Variants in HKDC1 observed in about 807,000 individuals in gnomAD.
The protein encoded by HKDC1 is hexokinase domain containing 1.
In HKDC1, 66 loss-of-function variants were observed where a neutral mutation model predicts 96.6. That is an observed-to-expected ratio of 0.68 (90% confidence interval 0.56 to 0.84). The LOEUF (loss-of-function observed/expected upper bound fraction) is 0.84, where lower values mean the gene tolerates loss of function less well. Among genes scored for constraint, HKDC1 ranks in the 40% least tolerant of loss-of-function variants. HKDC1 has a pLI of 0.00. For synonymous variants in HKDC1, 466 were observed against 473.1 expected, an observed-to-expected ratio of 0.98 and a Z score of 0.20; for missense variants, 1,211 against 1,208.1, an observed-to-expected ratio of 1.00 and a Z score of -0.04.
At chr10:69,233,608 G>A (rs553997373) in intron 4 of HKDC1, among the ~76,000 whole-genome samples, 2 of 152,110 alleles carry the variant, frequency 1.3e-5, no homozygotes, top group African/African-American at 4.8e-5. Flanking sequence ...TAGAATGGGG[G>A]CACTGGAGGA....
At chr10:69,224,314 C>T (rs904815146) in intron 1 of HKDC1, among the ~76,000 whole-genome samples, 8 of 152,018 alleles carry the variant, frequency 5.3e-5, no homozygotes, top group African/African-American at 1.4e-4. Context: ...GATGGAATCT[C>T]GCTCTGTCAC....
At chr10:69,242,445 A>AAC (rs1398688309) in intron 6 of HKDC1, among the ~76,000 whole-genome samples, 5 of 151,444 alleles carry the variant, frequency 3.3e-5, no homozygotes, top group Admixed American at 2.6e-4. Context: ...AAAAAAAAAA[A>AAC]AAAAACCCGA....
chr10:69,239,101 G>C lies in HKDC1; in HGVS notation c.555G>C (p.Val185=). 11 of 1,613,936 alleles carry C rather than the reference G, an allele frequency of 6.8e-6. No homozygotes were observed. Among genetic ancestry groups the C allele is most frequent in the Non-Finnish European group, 9.3e-6 (11 of 1,179,858 alleles). The change falls in exon 5 of 18, where the codon GTG becomes GTC. Residue 185 remains valine, a synonymous_variant. Transcript: ENST00000354624. ...CACGAGGAGTTCAGGACACGGATGT[G>C]GTGAGCCGTCTGACCAAAGCCATGA... The part of the protein sequence containing the change: ...FKARGVQDTD[V]VSRLTKAMRR...
At chr10:69,237,277 T>TTG (rs71035080) in intron 4 of HKDC1, among the ~76,000 whole-genome samples, 6,750 of 145,468 alleles carry the variant, frequency 0.046, 178 homozygotes, top group East Asian at 0.063. Context: ...AGAAATTTCT[T>TTG]TGTGTGTGTG....
intron 4 of HKDC1, among the ~76,000 whole-genome samples, chr10:69,234,701 T>C (rs957494946): frequency 1.3e-5 from 2 of 152,268 alleles, no homozygotes; most frequent in African/African-American, 4.8e-5. Context: ...CTGGATTACT[T>C]GTCTCTTTGT....
At chr10:69,230,838 T>C (rs903235452) in intron 2 of HKDC1, among the ~76,000 whole-genome samples, 2 of 152,130 alleles carry the variant, frequency 1.3e-5, no homozygotes, top group African/African-American at 2.4e-5. Context: ...AGGCTGGTGT[T>C]GAACTCTTGG....
intron 4 of HKDC1, 109 bp downstream of exon 4, chr10:69,233,242 T>A: frequency 6.9e-7 from 1 of 1,442,760 alleles, no homozygotes; most frequent in Non-Finnish European, 9.3e-7. Flanking sequence ...TTCTTGTTTG[T>A]CTTTTTCTTT....
At chr10:69,261,963 T>C (rs1843816835) in intron 16 of HKDC1, 1 of 265,056 alleles carries the variant, frequency 3.8e-6, no homozygotes. Flanking sequence ...AACTCATAGT[T>C]AGACCCAGAT....
intron 6 of HKDC1, 28 bp downstream of exon 6, chr10:69,240,779 G>C (rs1564729714): frequency 6.4e-7 from 1 of 1,564,730 alleles, no homozygotes; most frequent in Non-Finnish European, 8.8e-7. Context: ...GTTTTTTGAG[G>C]GTAGGGGAGA....
chr10:69,232,522 G>A (rs1312394813), intron 2 of HKDC1: 4 of 541,548 alleles, frequency 7.4e-6, no homozygotes, highest in South Asian at 4.3e-5. Flanking sequence ...CATTCCTACA[G>A]CATGAGCCAG....
At chr10:69,247,624 A>G in intron 9 of HKDC1, 31 bp downstream of exon 9, 1 of 1,568,650 alleles carries the variant, frequency 6.4e-7, no homozygotes, top group Middle Eastern at 1.7e-4. Flanking sequence ...ACGCCCCCAC[A>G]AATGAGTCTC....
At chr10:69,233,560 G>A (rs1843308853) in intron 4 of HKDC1, among the ~76,000 whole-genome samples, 1 of 152,162 alleles carries the variant, frequency 6.6e-6, no homozygotes, top group East Asian at 1.9e-4. Flanking sequence ...GGGAAGGCTG[G>A]GGAGTCTCTC....
chr10:69,239,918 T>C (rs921428321), intron 5 of HKDC1, among the ~76,000 whole-genome samples: 1 of 152,120 alleles, frequency 6.6e-6, no homozygotes, highest in Admixed American at 6.6e-5. Flanking sequence ...CATGCCTGGC[T>C]CTCATTTTAC....
chr10:69,256,211 A>C (rs988082761), intron 12 of HKDC1, among the ~76,000 whole-genome samples: 3 of 152,186 alleles, frequency 2.0e-5, no homozygotes, highest in Non-Finnish European at 4.4e-5. Context: ...TGTGTGGAAA[A>C]CACCTTTCTC....
chr10:69,265,851 C>A, intron 17 of HKDC1, 33 bp downstream of exon 17: 2 of 1,177,332 alleles, frequency 1.7e-6, no homozygotes, highest in Admixed American at 2.0e-5. Flanking sequence ...GCGGGTGGGG[C>A]TGGGGAGGGC....
Position 69,250,672 on chromosome 10 carries a change from C to T in HKDC1, c.1836+20C>T. On this transcript the variant is annotated intron_variant, in intron 12 of 17. Coordinates refer to ENST00000354624, the MANE Select transcript of HKDC1 (RefSeq NM_025130.4). ...GACAAGGTAAGATAGCCCCACCAGG[C>T]TCACGGCCAGCCCAGTGGGCTTCCT... is the stretch of plus-strand genomic sequence containing the variant. The T allele has an allele frequency of 6.2e-7, 1 of 1,612,094 alleles. No homozygotes were observed. The highest frequency in any genetic ancestry group is 8.5e-7 in the Non-Finnish European group (1 of 1,179,886).
At chr10:69,225,508 G>A (rs916927024) in intron 1 of HKDC1, among the ~76,000 whole-genome samples, 1 of 152,074 alleles carries the variant, frequency 6.6e-6, no homozygotes, top group African/African-American at 2.4e-5. Context: ...TTTGCTAATG[G>A]CTGTCTGATG....
At chr10:69,264,818 A>C (rs1007368709) in intron 16 of HKDC1, among the ~76,000 whole-genome samples, 1 of 152,188 alleles carries the variant, frequency 6.6e-6, no homozygotes, top group Admixed American at 6.5e-5. Context: ...ACAGTCAAGG[A>C]TACAACTTCA....
intron 10 of HKDC1, chr10:69,249,013 C>A (rs575223323): frequency 3.5e-6 from 1 of 285,610 alleles, no homozygotes; most frequent in Non-Finnish European, 6.5e-6. Flanking sequence ...GTACCCCCCC[C>A]GACCCCCAGA....
Sources: allele counts gnomAD v4.1 joint callset (sites outside exome capture counted in the v4.1 genomes callset), GRCh38; gene constraint gnomAD v4.1.1; transcripts MANE v1.5; gene names NCBI Gene and HGNC (gene_info 2026-07-23, HGNC 2026-07-21).